The following NXNL2 variants were observed in gnomAD, a reference collection of about 807,000 sequenced individuals.
NXNL2 encodes nucleoredoxin-like protein 2.
A neutral mutation model predicts 11.1 loss-of-function variants in NXNL2; 7 were observed. That is an observed-to-expected ratio of 0.63 (90% CI 0.36 to 1.18). The LOEUF (loss-of-function observed/expected upper bound fraction) is 1.18, where lower values mean the gene tolerates loss of function less well. Among genes scored for constraint, NXNL2 ranks in the 50% most tolerant of loss-of-function variants. The probability of loss-of-function intolerance (pLI) is 0.02; values close to 1 mark genes in which losing one functional copy is unlikely to be tolerated. For synonymous variants in NXNL2, 109 were observed against 101.8 expected (o/e 1.07, Z -0.42); for missense variants, 233 against 217.7 (o/e 1.07, Z -0.44).
chr9:88,574,831 C>T (rs949313816), intron 2 of NXNL2, among the ~76,000 whole-genome samples: 8 of 152,160 alleles, frequency 5.3e-5, no homozygotes, highest in Non-Finnish European at 1.0e-4. Context: ...TTGCAGACGG[C>T]CAGGGGCGGG....
intron 1 of NXNL2, among the ~76,000 whole-genome samples, chr9:88,559,951 G>A (rs1296637905): frequency 1.3e-5 from 2 of 152,070 alleles, no homozygotes; most frequent in African/African-American, 2.4e-5. Context: ...TGTCTGGAGG[G>A]TTTCTAAAAC....
intron 1 of NXNL2, among the ~76,000 whole-genome samples, chr9:88,557,659 G>A (rs1173057128): frequency 4.6e-5 from 7 of 152,164 alleles, no homozygotes; most frequent in East Asian, 3.8e-4. Context: ...AAAAATGAGC[G>A]CTGACTGGCA....
At position 88,535,502 on chromosome 9, in the gene NXNL2, C is replaced by T. The variant is rs1009480102; in HGVS notation, c.68C>T (p.Ala23Val). Residue 23 changes from alanine to valine, a missense_variant, in exon 1 of 2, where the codon GCG (alanine) becomes GTG (valine). Transcript: ENST00000375854. ...GGCGCGACGGTGGAGGCCGAGGCGG[C>T]GCTGCAGAACAAGGTGGTGGCACTG... ...CKGATVEAEA[A>V]LQNKVVALYF... 2 of 1,609,764 alleles carry T rather than the reference C, an allele frequency of 1.2e-6. No homozygotes were observed. The highest frequency in any genetic ancestry group is 8.5e-7 in the Non-Finnish European group (1 of 1,178,960).
chr9:88,580,518 T>G (rs1379644483), downstream of NXNL2, among the ~76,000 whole-genome samples: 1 of 152,226 alleles, frequency 6.6e-6, no homozygotes, highest in Non-Finnish European at 1.5e-5. Context: ...TCTCTCTTTT[T>G]TTTTCTCTTC....
At chr9:88,550,098 G>A (rs13290571) in intron 1 of NXNL2, among the ~76,000 whole-genome samples, 17,933 of 152,120 alleles carry the variant, frequency 0.12, 2,555 homozygotes, top group East Asian at 0.77. Flanking sequence ...GATTACAGGC[G>A]TGAGCCACAG....
chr9:88,569,548 C>CA (rs1386514215), intron 1 of NXNL2, among the ~76,000 whole-genome samples: 1 of 152,136 alleles, frequency 6.6e-6, no homozygotes, highest in African/African-American at 2.4e-5. Context: ...ATGGCAGAGA[C>CA]ATAATGAAAA....
At chr9:88,564,226 C>G (rs1830130313) in intron 1 of NXNL2, among the ~76,000 whole-genome samples, 1 of 150,386 alleles carries the variant, frequency 6.6e-6, no homozygotes, top group South Asian at 2.1e-4. Context: ...AAAAAAAAGC[C>G]CTTCTCTGAT....
downstream of NXNL2, among the ~76,000 whole-genome samples, chr9:88,549,875 A>G (rs1262136690): frequency 1.3e-5 from 2 of 152,130 alleles, no homozygotes; most frequent in Non-Finnish European, 2.9e-5. Context: ...CTCGTTGCCC[A>G]GGCTGGAGTA....
At chr9:88,569,799 A>ATGCC (rs1360523878) in intron 1 of NXNL2, among the ~76,000 whole-genome samples, 40 of 152,312 alleles carry the variant, frequency 2.6e-4, no homozygotes, top group Non-Finnish European at 5.0e-4. Flanking sequence ...CCTGTGGGAT[A>ATGCC]AATTCTATTT....
intron 1 of NXNL2, among the ~76,000 whole-genome samples, chr9:88,569,211 G>A (rs577895909): frequency 2.2e-4 from 33 of 152,308 alleles, no homozygotes; most frequent in African/African-American, 7.2e-4. Flanking sequence ...GATTACAGGC[G>A]TAAGCCACCA....
At chr9:88,581,683 C>T (rs1205674661) in intron 1 of NXNL2, among the ~76,000 whole-genome samples, 4 of 152,106 alleles carry the variant, frequency 2.6e-5, no homozygotes, top group African/African-American at 7.2e-5. Context: ...CTCAAACACC[C>T]GACCTCAGGT....
chr9:88,549,618 T>G (rs962830831), downstream of NXNL2, among the ~76,000 whole-genome samples: 1 of 152,216 alleles, frequency 6.6e-6, no homozygotes, highest in African/African-American at 2.4e-5. Context: ...CTCCTGGCCC[T>G]GTGAGTGGTT....
chr9:88,543,719 A>T (rs915247836), intron 1 of NXNL2, among the ~76,000 whole-genome samples: 2 of 152,270 alleles, frequency 1.3e-5, no homozygotes, highest in Non-Finnish European at 2.9e-5. Flanking sequence ...AATTTAAATT[A>T]AAAGTTAATT....
chr9:88,575,304 C>T, exon 3 of NXNL2: 1 of 259,634 alleles, frequency 3.9e-6, no homozygotes, highest in Non-Finnish European at 6.0e-6. Flanking sequence ...TCTGCACCCC[C>T]ATGTTTATTG....
chr9:88,563,705 C>T (rs1041913371), intron 1 of NXNL2, among the ~76,000 whole-genome samples: 2 of 152,144 alleles, frequency 1.3e-5, no homozygotes, highest in Admixed American at 6.5e-5. Context: ...TTCTCTGCAC[C>T]TCCCTTTCTC....
At chr9:88,553,397 C>T (rs1829969430) in intron 1 of NXNL2, among the ~76,000 whole-genome samples, 1 of 152,176 alleles carries the variant, frequency 6.6e-6, no homozygotes, top group Non-Finnish European at 1.5e-5. Context: ...CATGCTTCTC[C>T]TCCCCAAATA....
downstream of NXNL2, among the ~76,000 whole-genome samples, chr9:88,546,148 C>CGCGTGT (rs1554705102): frequency 2.0e-3 from 298 of 147,476 alleles, 2 homozygotes; most frequent in African/African-American, 7.1e-3. Context: ...ACTGAGTGTT[C>CGCGTGT]GTGTGTGTGT....
At chr9:88,582,273 T>C (rs867814847) in intron 1 of NXNL2, among the ~76,000 whole-genome samples, 7 of 152,096 alleles carry the variant, frequency 4.6e-5, no homozygotes, top group Admixed American at 2.6e-4. Context: ...GGTCAGACCA[T>C]CCTGGCTAAC....
intron 1 of NXNL2, among the ~76,000 whole-genome samples, chr9:88,566,763 ACTT>A (rs1225262768): frequency 6.6e-6 from 1 of 151,988 alleles, no homozygotes; most frequent in African/African-American, 2.4e-5. Context: ...CACTTACTGA[ACTT>A]CTTTCATCAA....
Sources: gnomAD v4.1 joint callset for allele counts (sites outside exome capture counted in the v4.1 genomes callset) on GRCh38, gnomAD v4.1.1 for gene constraint, MANE v1.5 for transcripts, NCBI Gene and HGNC (gene_info 2026-07-23, HGNC 2026-07-21) for gene names.